The following MTMR7 variants were observed in gnomAD, a reference collection of about 807,000 sequenced individuals.
MTMR7 encodes the protein myotubularin related protein 7, also known as phosphatidylinositol-3-phosphate phosphatase MTMR7.
MTMR7 carries 76 observed loss-of-function variants against 81.2 expected under a neutral mutation model. The observed-to-expected ratio is 0.94, with a 90% CI of 0.78 to 1.13. The LOEUF (loss-of-function observed/expected upper bound fraction) is 1.13, where lower values mean the gene tolerates loss of function less well. Ranked by LOEUF, MTMR7 falls within the 50% of genes most tolerant of loss-of-function variation. The probability of loss-of-function intolerance (pLI) is 0.00; values close to 1 mark genes in which losing one functional copy is unlikely to be tolerated. For missense variants in MTMR7, 1,044 were observed against 820.0 expected, an observed-to-expected ratio of 1.27 and a Z score of -3.34; for synonymous variants, 372 against 289.8, an observed-to-expected ratio of 1.28 and a Z score of -2.88.
At chr8:17,373,262 A>G (rs1187348558) in intron 1 of MTMR7, 22 bp from the exon 2 acceptor site, 2 of 1,605,624 alleles carry the variant, frequency 1.2e-6, no homozygotes, top group Non-Finnish European at 8.5e-7. Context: ...GGCATGATGA[A>G]AAGAGTTACC....
At chr8:17,304,562 C>T (rs1401571930) in intron 11 of MTMR7, 43 bp from the exon 12 acceptor site, 37 of 1,585,104 alleles carry the variant, frequency 2.3e-5, no homozygotes, top group Non-Finnish European at 3.0e-5. Context: ...TATTTTGGTG[C>T]TTACACACAG....
chr8:17,380,890 A>T (rs946252844), intron 1 of MTMR7, among the ~76,000 whole-genome samples: 2 of 152,228 alleles, frequency 1.3e-5, no homozygotes, highest in Non-Finnish European at 2.9e-5. Context: ...TTCACAAACC[A>T]CTATCACAAT....
At chr8:17,406,907 A>T (rs902582773) in intron 1 of MTMR7, among the ~76,000 whole-genome samples, 5 of 152,168 alleles carry the variant, frequency 3.3e-5, no homozygotes, top group African/African-American at 1.2e-4. Flanking sequence ...CCAGAAAAAC[A>T]AACATATATA....
At chr8:17,380,206 A>T (rs73209000) in intron 1 of MTMR7, among the ~76,000 whole-genome samples, 36 of 152,296 alleles carry the variant, frequency 2.4e-4, no homozygotes, top group African/African-American at 8.2e-4. Context: ...CTCCACCAAT[A>T]TCTCATGAAT....
chr8:17,395,980 A>T (rs1251796447), intron 1 of MTMR7, among the ~76,000 whole-genome samples: 1 of 152,222 alleles, frequency 6.6e-6, no homozygotes, highest in Non-Finnish European at 1.5e-5. Flanking sequence ...CTTAACAGAT[A>T]TGATAGGGGA....
At chr8:17,384,026 G>A (rs1208645511) in intron 1 of MTMR7, among the ~76,000 whole-genome samples, 1 of 152,166 alleles carries the variant, frequency 6.6e-6, no homozygotes, top group Non-Finnish European at 1.5e-5. Flanking sequence ...TCAAGTTGGA[G>A]TTCAGAGTTC....
intron 7 of MTMR7, among the ~76,000 whole-genome samples, chr8:17,329,900 T>G (rs780350781): frequency 2.6e-5 from 4 of 152,164 alleles, no homozygotes; most frequent in Non-Finnish European, 5.9e-5. Flanking sequence ...CTGCCAATTA[T>G]GTACAGAAGA....
chr8:17,361,424 G>T, intron 3 of MTMR7, 150 bp from the exon 4 acceptor site: 1 of 762,076 alleles, frequency 1.3e-6, no homozygotes, highest in Non-Finnish European at 2.1e-6. Flanking sequence ...TGTGTGCAGT[G>T]GATAGGGTCC....
chr8:17,344,816 A>G (rs913309613), intron 5 of MTMR7, among the ~76,000 whole-genome samples: 2 of 152,204 alleles, frequency 1.3e-5, no homozygotes, highest in African/African-American at 4.8e-5. Context: ...GGAAGTTTCA[A>G]TAAGTATTCA....
chr8:17,307,977 T>C (rs1212257718), intron 10 of MTMR7, among the ~76,000 whole-genome samples: 1 of 152,004 alleles, frequency 6.6e-6, no homozygotes, highest in African/African-American at 2.4e-5. Context: ...ACATGGCACA[T>C]GTATATATAT....
At chr8:17,408,777 T>C (rs914334611) in intron 1 of MTMR7, among the ~76,000 whole-genome samples, 2 of 152,152 alleles carry the variant, frequency 1.3e-5, no homozygotes, top group African/African-American at 2.4e-5. Context: ...TAAGATATTA[T>C]CATCAAGCCT....
chr8:17,359,264 A>T (rs1265391348), intron 4 of MTMR7, among the ~76,000 whole-genome samples: 2 of 152,142 alleles, frequency 1.3e-5, no homozygotes, highest in Non-Finnish European at 2.9e-5. Context: ...ACTACTGTAC[A>T]ATCATTTCAT....
chr8:17,374,438 T>C (rs1423785275), intron 1 of MTMR7, among the ~76,000 whole-genome samples: 1 of 151,728 alleles, frequency 6.6e-6, no homozygotes, highest in Non-Finnish European at 1.5e-5. Context: ...CTGGCCAACA[T>C]GGTGAAACCC....
chr8:17,405,485 G>C (rs1372955542), intron 1 of MTMR7, among the ~76,000 whole-genome samples: 1 of 152,150 alleles, frequency 6.6e-6, no homozygotes, highest in Non-Finnish European at 1.5e-5. Context: ...TAGAGACTCA[G>C]AGTTTAAGAA....
At position 17,346,892 on chromosome 8, in the gene MTMR7, A is replaced by T. The variant is rs1388383145; in HGVS notation, c.597+2061T>A. 2.0e-5 allele frequency among the ~76,000 whole-genome samples: 3 copies of T among 149,234 alleles called. No homozygotes were observed. The East Asian group carries it at 5.9e-4, about 29-fold the overall frequency. On this transcript the variant is annotated intron_variant, in intron 5 of 13. Coordinates refer to ENST00000180173, the MANE Select transcript of MTMR7 (RefSeq NM_004686.5). ...TATTTATCCTATCTTAATAAAAAAA[A>T]AAAAAAAAAAAAAAAAAAGAGGCAA...
chr8:17,310,629 A>G (rs62498846), intron 9 of MTMR7, among the ~76,000 whole-genome samples: 11,005 of 152,230 alleles, frequency 0.072, 418 homozygotes, highest in African/African-American at 0.092. Context: ...TGAGGTGTCA[A>G]TGCTATCACA....
chr8:17,391,364 T>C (rs1268557660), intron 1 of MTMR7, among the ~76,000 whole-genome samples: 1 of 152,168 alleles, frequency 6.6e-6, no homozygotes, highest in Non-Finnish European at 1.5e-5. Flanking sequence ...TGATGACATA[T>C]ATATTGTTTT....
intron 6 of MTMR7, among the ~76,000 whole-genome samples, chr8:17,336,748 C>A (rs1049838793): frequency 2.6e-5 from 4 of 152,192 alleles, no homozygotes; most frequent in African/African-American, 4.8e-5. Context: ...TGCCTCAGCA[C>A]CCCCTCCGCT....
chr8:17,316,875 G>T (rs978850959), intron 7 of MTMR7, among the ~76,000 whole-genome samples: 5 of 151,986 alleles, frequency 3.3e-5, no homozygotes, highest in African/African-American at 1.2e-4. Flanking sequence ...TGGGGTGGGG[G>T]TGCTGGAAAC....
Sources: allele counts gnomAD v4.1 joint callset (sites outside exome capture counted in the v4.1 genomes callset), GRCh38; gene constraint gnomAD v4.1.1; transcripts MANE v1.5; gene names NCBI Gene and HGNC (gene_info 2026-07-23, HGNC 2026-07-21).